Variants in G3BP2 observed in about 807,000 individuals in gnomAD.
G3BP2 encodes ras GTPase-activating protein-binding protein 2.
Under a neutral mutation model 56.7 loss-of-function variants are expected in G3BP2, and 11 were observed. The ratio of observed to expected loss-of-function variants is 0.19; its 90% CI spans 0.12 to 0.32. G3BP2 has a LOEUF of 0.32. Ranked by LOEUF, G3BP2 falls within the 10% of genes least tolerant of loss-of-function variation. G3BP2 has a pLI of 1.00. For synonymous variants in G3BP2, 165 were observed against 191.6 expected, an observed-to-expected ratio of 0.86 and a Z score of 1.15; for missense variants, 340 against 610.9, an observed-to-expected ratio of 0.56 and a Z score of 4.67.
upstream of G3BP2, among the ~76,000 whole-genome samples, chr4:75,677,585 A>T (rs76054863): frequency 4.1e-5 from 6 of 147,500 alleles, no homozygotes; most frequent in Non-Finnish European, 6.0e-5. Flanking sequence ...AATAAAAAAT[A>T]AAAAAAAAAA....
chr4:75,711,833 C>G (rs973117024), intron 3 of G3BP2, among the ~76,000 whole-genome samples: 6 of 151,982 alleles, frequency 3.9e-5, no homozygotes, highest in Non-Finnish European at 8.8e-5. Context: ...AACATGGAGC[C>G]CCTTGGGTCT....
chr4:75,671,468 G>C (rs563927874), intron 1 of G3BP2, among the ~76,000 whole-genome samples: 28 of 152,210 alleles, frequency 1.8e-4, no homozygotes, highest in Non-Finnish European at 3.7e-4. Flanking sequence ...GCTGCTAACT[G>C]AACAGTTAAG....
Position 75,662,011 on chromosome 4 carries a change from C to A in G3BP2, c.15G>T (p.Lys5Asn). MVME[K>N]PSPLLVGREF... ...CCCGCCCTACAAGCAGCGGACTGGG[C>A]TTCTCCATAACCATTTCTTTGCTGC... The change falls in exon 2 of 12, where the codon AAG becomes AAT. Residue 5 changes from lysine to asparagine, a missense_variant. Lys to Asn is a moderately conservative substitution (Grantham distance 94, BLOSUM62 0). Transcript: ENST00000359707. 1.2e-6 allele frequency: 2 copies of A among 1,610,218 alleles called. No individual in the cohort carries two copies. The highest frequency in any genetic ancestry group is 1.7e-6 in the Non-Finnish European group (2 of 1,176,560).
intron 3 of G3BP2, among the ~76,000 whole-genome samples, chr4:75,699,359 A>G (rs1175548076): frequency 1.3e-5 from 2 of 152,198 alleles, no homozygotes; most frequent in Non-Finnish European, 2.9e-5. Flanking sequence ...ACCCACTTCA[A>G]TGGGCTGTTA....
At chr4:75,645,834 G>T in intron 11 of G3BP2, 132 bp from the exon 12 acceptor site, 2 of 750,876 alleles carry the variant, frequency 2.7e-6, no homozygotes, top group Non-Finnish European at 4.3e-6. Context: ...CCAGAGATAG[G>T]GTCTCAGCTG....
At chr4:75,647,228 A>G in intron 9 of G3BP2, 71 bp from the exon 10 acceptor site, 1 of 984,138 alleles carries the variant, frequency 1.0e-6, no homozygotes, top group Non-Finnish European at 1.5e-6. Context: ...AGTGAATGTA[A>G]AAATCACTTA....
rs72649469 is a variant in G3BP2 at position 75,723,052 on chromosome 4, T to C, written c.-165-808A>G. On this transcript the variant is annotated intron_variant, in intron 1 of 3. Transcript: ENST00000499709. ...TCAATAACTGCAAAGTGCTAACATA[T>C]AGATGTGTACCTACATTTTAGGGAA... 4.6e-3 allele frequency among the ~76,000 whole-genome samples: 703 copies of C among 152,306 alleles called. 8 individuals are homozygous for C. The highest frequency in any genetic ancestry group is 9.7e-3 in the South Asian group (47 of 4,832).
At chr4:75,671,160 G>A (rs777960258) in intron 1 of G3BP2, among the ~76,000 whole-genome samples, 10 of 152,202 alleles carry the variant, frequency 6.6e-5, no homozygotes, top group Non-Finnish European at 1.5e-4. Flanking sequence ...TCTACCAGTG[G>A]AGAGTAACTA....
chr4:75,652,097 A>G (rs901762745), intron 8 of G3BP2, among the ~76,000 whole-genome samples: 1 of 152,208 alleles, frequency 6.6e-6, no homozygotes, highest in Non-Finnish European at 1.5e-5. Flanking sequence ...TTAAAGTTTA[A>G]ATTCTAAACA....
chr4:75,664,212 C>CTTTA (rs1732806999), intron 1 of G3BP2, among the ~76,000 whole-genome samples: 1 of 151,234 alleles, frequency 6.6e-6, no homozygotes, highest in Non-Finnish European at 1.5e-5. Flanking sequence ...ACCTATTAAA[C>CTTTA]TTAAAAGTAC....
chr4:75,654,385 A>C (rs180901489), intron 7 of G3BP2, among the ~76,000 whole-genome samples: 1 of 152,352 alleles, frequency 6.6e-6, no homozygotes, highest in East Asian at 1.9e-4. Context: ...AAAAACCTGA[A>C]CCTAATAGAA....
chr4:75,699,080 G>A (rs1719231337), intron 3 of G3BP2, among the ~76,000 whole-genome samples: 1 of 152,050 alleles, frequency 6.6e-6, no homozygotes, highest in African/African-American at 2.4e-5. Flanking sequence ...TCAATACACT[G>A]TGCTCCTGTC....
At chr4:75,694,346 A>G (rs1719007209) in intron 3 of G3BP2, among the ~76,000 whole-genome samples, 1 of 152,220 alleles carries the variant, frequency 6.6e-6, no homozygotes, top group Non-Finnish European at 1.5e-5. Flanking sequence ...TCACGCCTGG[A>G]ATCCCAGCAC....
chr4:75,671,516 T>G (rs1733487449), intron 1 of G3BP2, among the ~76,000 whole-genome samples: 2 of 152,208 alleles, frequency 1.3e-5, no homozygotes, highest in African/African-American at 4.8e-5. Flanking sequence ...ATGTGTTTTC[T>G]TCTTTACCTT....
chr4:75,657,796 C>T, intron 3 of G3BP2, 66 bp from the exon 4 acceptor site: 2 of 967,594 alleles, frequency 2.1e-6, no homozygotes, highest in Non-Finnish European at 3.1e-6. Flanking sequence ...AATAATATTA[C>T]CTACCCTCAT....
intron 1 of G3BP2, among the ~76,000 whole-genome samples, chr4:75,664,221 A>G (rs933854079): frequency 1.3e-5 from 2 of 151,782 alleles, no homozygotes; most frequent in African/African-American, 4.9e-5. Flanking sequence ...ACTTAAAAGT[A>G]CTAAAAAAAA....
intron 3 of G3BP2, among the ~76,000 whole-genome samples, chr4:75,688,898 A>C (rs1718734000): frequency 6.6e-6 from 1 of 152,242 alleles, no homozygotes; most frequent in Non-Finnish European, 1.5e-5. Context: ...ATGACTGCTG[A>C]TATAAATAAT....
rs192621297 is a variant in G3BP2, at chr4:75,647,171, T to C, written c.929-14A>G. The C allele has an allele frequency of 1.2e-5, 18 of 1,543,596 alleles. No individual in the cohort carries two copies. The East Asian group carries it at 2.5e-4, about 22-fold the overall frequency. ...TATCTCCTCTGCCTGAGAATAGAAA[T>C]AGAGCAGATACTAAAGTTTACAATA... On this transcript the variant is annotated splice_polypyrimidine_tract_variant and intron_variant, in intron 9 of 11. Transcript: ENST00000359707.
At chr4:75,698,134 A>C (rs1719198495) in intron 3 of G3BP2, among the ~76,000 whole-genome samples, 1 of 152,216 alleles carries the variant, frequency 6.6e-6, no homozygotes, top group African/African-American at 2.4e-5. Context: ...GCTATGATTA[A>C]ATTAAGAATC....
Sources: gnomAD v4.1 joint callset for allele counts (sites outside exome capture counted in the v4.1 genomes callset) on GRCh38, gnomAD v4.1.1 for gene constraint, MANE v1.5 for transcripts, NCBI Gene and HGNC (gene_info 2026-07-23, HGNC 2026-07-21) for gene names.